The following TNFSF4 variants were observed in gnomAD, a reference collection of about 807,000 sequenced individuals.
TNFSF4 encodes TNF superfamily member 4.
In TNFSF4, 4 loss-of-function variants were observed where a neutral mutation model predicts 7.3. That is an observed-to-expected ratio of 0.55 (90% CI 0.27 to 1.25). The LOEUF is 1.25. TNFSF4 is among the 50% of genes most tolerant of loss of function. TNFSF4 has a pLI of 0.12. For missense variants in TNFSF4, 181 were observed against 208.8 expected (o/e 0.87, Z 0.82); for synonymous variants, 76 against 83.7 (o/e 0.91, Z 0.50).
At chr1:173,405,422 T>G in the TNFSF4 span, among the ~76,000 whole-genome samples, 16 of 152,302 alleles carry the variant, frequency 1.1e-4, no homozygotes, top group East Asian at 9.6e-4. Flanking sequence ...ACAGGCCACA[T>G]AAACAGGCAG....
the TNFSF4 span, among the ~76,000 whole-genome samples, chr1:173,382,874 T>TCACACACA: frequency 6.5e-4 from 59 of 91,278 alleles, no homozygotes; most frequent in Admixed American, 5.0e-3. Flanking sequence ...TTTACTGTTT[T>TCACACACA]CACACACACA....
At chr1:173,311,051 G>A in the TNFSF4 span, among the ~76,000 whole-genome samples, 1 of 151,708 alleles carries the variant, frequency 6.6e-6, no homozygotes, top group Non-Finnish European at 1.5e-5. Flanking sequence ...ATATGTTTAA[G>A]TTTTTAAACC....
the TNFSF4 span, among the ~76,000 whole-genome samples, chr1:173,221,595 C>T: frequency 1.3e-5 from 2 of 152,106 alleles, no homozygotes; most frequent in African/African-American, 4.8e-5. Flanking sequence ...TGTGGTGGTG[C>T]CATTGACTGA....
intron 1 of TNFSF4, among the ~76,000 whole-genome samples, chr1:173,194,658 C>G (rs549840383): frequency 6.6e-6 from 1 of 151,742 alleles, no homozygotes; most frequent in African/African-American, 2.4e-5. Flanking sequence ...CAAAGCAGGC[C>G]GATCACTTGC....
the TNFSF4 span, among the ~76,000 whole-genome samples, chr1:173,281,511 C>A: frequency 2.6e-5 from 4 of 152,114 alleles, no homozygotes; most frequent in African/African-American, 7.2e-5. Flanking sequence ...TGAATAAGCA[C>A]TAATGTATGA....
chr1:173,202,674 A>T (rs1649995197), intron 1 of TNFSF4, among the ~76,000 whole-genome samples: 1 of 152,196 alleles, frequency 6.6e-6, no homozygotes. Context: ...CCTTTGGCGT[A>T]GGAGAGAATG....
chr1:173,350,070 C>T, the TNFSF4 span, among the ~76,000 whole-genome samples: 2 of 152,096 alleles, frequency 1.3e-5, no homozygotes, highest in Non-Finnish European at 2.9e-5. Flanking sequence ...TATAAATGAA[C>T]TGTGTAGATC....
At chr1:173,326,500 T>A in the TNFSF4 span, among the ~76,000 whole-genome samples, 1 of 152,022 alleles carries the variant, frequency 6.6e-6, no homozygotes, top group Non-Finnish European at 1.5e-5. Flanking sequence ...CAACATAGTG[T>A]TGGAAGTTCT....
the TNFSF4 span, among the ~76,000 whole-genome samples, chr1:173,423,026 C>T: frequency 1.9e-4 from 29 of 151,738 alleles, no homozygotes; most frequent in East Asian, 4.8e-3. Context: ...TGGAGTGCAG[C>T]GGTGAGATCT....
the TNFSF4 span, among the ~76,000 whole-genome samples, chr1:173,173,777 T>G: frequency 1.5e-4 from 23 of 152,356 alleles, no homozygotes; most frequent in African/African-American, 4.6e-4. Context: ...GTCCCGAGGT[T>G]GCATAGAGCA....
the TNFSF4 span, among the ~76,000 whole-genome samples, chr1:173,293,789 G>A: frequency 6.6e-6 from 1 of 151,648 alleles, no homozygotes; most frequent in African/African-American, 2.4e-5. Flanking sequence ...ATAACCCTGT[G>A]AAAAAATGGG....
the TNFSF4 span, among the ~76,000 whole-genome samples, chr1:173,410,282 A>G: frequency 6.6e-6 from 1 of 152,166 alleles, no homozygotes; most frequent in Non-Finnish European, 1.5e-5. Flanking sequence ...TCCAGCATAA[A>G]CAGAAGATGA....
chr1:173,207,740 C>A (rs1235835401), upstream of TNFSF4, among the ~76,000 whole-genome samples: 2 of 152,122 alleles, frequency 1.3e-5, no homozygotes. Flanking sequence ...AGAAAGCACA[C>A]ACAGATCATT....
intron 1 of TNFSF4, among the ~76,000 whole-genome samples, chr1:173,199,751 T>C (rs1649860325): frequency 6.6e-6 from 1 of 152,178 alleles, no homozygotes; most frequent in Non-Finnish European, 1.5e-5. Flanking sequence ...TTGTATAGAG[T>C]GTGCAAATTA....
At chr1:173,433,363 C>T in the TNFSF4 span, among the ~76,000 whole-genome samples, 1 of 152,020 alleles carries the variant, frequency 6.6e-6, no homozygotes, top group African/African-American at 2.4e-5. Flanking sequence ...ATTCTACCCC[C>T]GAACAAGGAA....
the TNFSF4 span, among the ~76,000 whole-genome samples, chr1:173,413,236 CA>C: frequency 6.6e-6 from 1 of 152,166 alleles, no homozygotes; most frequent in African/African-American, 2.4e-5. Context: ...GACAGAGAGA[CA>C]GGGGCAGAGA....
At chr1:173,215,241 G>A in the TNFSF4 span, among the ~76,000 whole-genome samples, 2 of 152,086 alleles carry the variant, frequency 1.3e-5, no homozygotes, top group African/African-American at 2.4e-5. Context: ...TTGGCACACT[G>A]ATCCAGAGTT....
chr1:173,227,350 T>C, the TNFSF4 span, among the ~76,000 whole-genome samples: 1 of 152,222 alleles, frequency 6.6e-6, no homozygotes, highest in African/African-American at 2.4e-5. Flanking sequence ...TGATTATATA[T>C]TTGATCACCA....
the TNFSF4 span, among the ~76,000 whole-genome samples, chr1:173,318,776 G>A: frequency 7.2e-5 from 11 of 152,158 alleles, no homozygotes; most frequent in Admixed American, 1.3e-4. Context: ...CAAGATGACC[G>A]AATAGGAACA....
Sources: allele counts gnomAD v4.1 joint callset (sites outside exome capture counted in the v4.1 genomes callset), GRCh38; gene constraint gnomAD v4.1.1; transcripts MANE v1.5; gene names NCBI Gene and HGNC (gene_info 2026-07-23, HGNC 2026-07-21).